The following KCTD1 variants were observed in gnomAD, a reference collection of about 807,000 sequenced individuals.
The protein encoded by KCTD1 is potassium channel tetramerization domain containing 1.
A neutral mutation model predicts 66.0 loss-of-function variants in KCTD1; 24 were observed. The observed-to-expected ratio is 0.36, with a 90% CI of 0.26 to 0.51. The LOEUF (loss-of-function observed/expected upper bound fraction) is 0.51, where lower values mean the gene tolerates loss of function less well. Among genes scored for constraint, KCTD1 ranks in the 20% least tolerant of loss-of-function variants. The probability of loss-of-function intolerance (pLI) is 0.95; values close to 1 mark genes in which losing one functional copy is unlikely to be tolerated. For synonymous variants in KCTD1, 511 were observed against 517.2 expected, an observed-to-expected ratio of 0.99 and a Z score of 0.16; for missense variants, 943 against 1,205.2, an observed-to-expected ratio of 0.78 and a Z score of 3.22.
At chr18:26,548,825 T>A, upstream of KCTD1, 3 of 1,045,198 alleles carry the variant, frequency 2.9e-6, no homozygotes, top group East Asian at 7.7e-5. Context: ...CTAAGAAAAC[T>A]TTGAAGGAAA....
At chr18:26,535,114 T>TGGGGGGGG (rs1984633313) in intron 1 of KCTD1, among the ~76,000 whole-genome samples, 50 of 110,646 alleles carry the variant, frequency 4.5e-4, no homozygotes, top group South Asian at 1.0e-3. Flanking sequence ...GGTTGGGGGG[T>TGGGGGGGG]GGGGGTGGAG....
Position 26,476,807 on chromosome 18 carries a change from C to T in KCTD1, c.1989-148G>A, listed in dbSNP as rs1014097120. 6 of 650,430 alleles carry T rather than the reference C, an allele frequency of 9.2e-6. No homozygotes were observed. Among genetic ancestry groups the T allele is most frequent in the African/African-American group, 5.6e-5 (3 of 53,374 alleles). The allele number at this position is 650,430 out of a possible 1,614,324, so 40.3% of individuals were successfully genotyped here. A position where few individuals can be genotyped will look rare whatever the true frequency, so the allele number is the denominator to read the frequency against. ...CGATTGTCTGCAAAGTGTTGGTCCCCGCTTGATAAATATCTCAGGACGAGA... is the reference window on the plus strand; with the variant it reads ...CGATTGTCTGCAAAGTGTTGGTCCCTGCTTGATAAATATCTCAGGACGAGA... On this transcript the variant is annotated intron_variant, in intron 2 of 4. Coordinates refer to ENST00000580059, the MANE Select transcript of KCTD1 (RefSeq NM_001142730.3). The surrounding 1 kb of genome is among the most constrained non-coding windows in gnomAD (Gnocchi z 4.9).
chr18:26,478,500 A>T (rs1435778025), intron 2 of KCTD1, among the ~76,000 whole-genome samples: 1 of 152,248 alleles, frequency 6.6e-6, no homozygotes, highest in African/African-American at 2.4e-5. Flanking sequence ...ATACCGAAAT[A>T]AGTCAGTATC....
chr18:26,534,045 C>A (rs1984574479), intron 1 of KCTD1, among the ~76,000 whole-genome samples: 1 of 152,030 alleles, frequency 6.6e-6, no homozygotes, highest in Non-Finnish European at 1.5e-5. Flanking sequence ...CATAAGTACA[C>A]TGCTTATAAT....
upstream of KCTD1, among the ~76,000 whole-genome samples, chr18:26,644,364 T>C (rs1259226372): frequency 6.6e-6 from 1 of 151,558 alleles, no homozygotes; most frequent in Non-Finnish European, 1.5e-5. Context: ...GATGAAAGAG[T>C]TAAGGGTGGC....
intron 1 of KCTD1, among the ~76,000 whole-genome samples, chr18:26,556,919 C>A (rs767540669): frequency 2.0e-5 from 3 of 152,258 alleles, no homozygotes; most frequent in Non-Finnish European, 2.9e-5. Flanking sequence ...ATGCCATTTA[C>A]CTTTTAAGTA....
Position 26,599,797 on chromosome 18 carries a change from C to T in KCTD1, c.-16+29350G>A, listed in dbSNP as rs911126322. ...TCTTGTGGAAGTGAAAGAGCTGCAG[C>T]GGGAGCCCCTAACCCCTGAGGAAAT... On this transcript the variant is annotated intron_variant, in intron 1 of 4. Coordinates refer to the KCTD1 transcript ENST00000317932. The T allele has an allele frequency of 8.1e-5, 127 of 1,564,580 alleles. 1 individual carries two copies. The Admixed American group carries it at 1.3e-3, about 16-fold the overall frequency.
intron 1 of KCTD1, chr18:26,566,661 C>A (rs1985987068): frequency 6.6e-6 from 1 of 152,068 alleles, no homozygotes; most frequent in South Asian, 2.1e-4. Flanking sequence ...CATGAACATT[C>A]TGCTGGAGCA....
chr18:26,605,204 G>T (rs1269515113), intron 1 of KCTD1, among the ~76,000 whole-genome samples: 2 of 152,232 alleles, frequency 1.3e-5, no homozygotes, highest in African/African-American at 2.4e-5. Flanking sequence ...AGCTGCAAGG[G>T]AAGCTGGGAG....
intron 1 of KCTD1, among the ~76,000 whole-genome samples, chr18:26,592,909 G>A (rs1986641399): frequency 6.6e-6 from 1 of 152,160 alleles, no homozygotes; most frequent in Non-Finnish European, 1.5e-5. Flanking sequence ...TTCTTTGTCT[G>A]TGACATAGTA....
Position 26,569,826 on chromosome 18 carries a change from C to T in KCTD1, c.-16+59321G>A, listed in dbSNP as rs562901674. On this transcript the variant is annotated intron_variant, in intron 1 of 4. Coordinates refer to the KCTD1 transcript ENST00000317932. Reference sequence around the variant, plus strand: ...ACACAGCTTATAAAGCTATTCACTCCCAAATAATTAGGAATAATACATTGT... The same window carrying T: ...ACACAGCTTATAAAGCTATTCACTCTCAAATAATTAGGAATAATACATTGT... Among the ~76,000 whole-genome samples the T allele has an allele frequency of 4.6e-5, 7 of 152,224 alleles. No individual in the cohort carries two copies. In the South Asian group the frequency reaches 1.5e-3, roughly 32 times the overall value.
chr18:26,603,751 AAAATAAATAAATAAAT>A (rs71266966), intron 1 of KCTD1, among the ~76,000 whole-genome samples: 34 of 146,862 alleles, frequency 2.3e-4, no homozygotes, highest in African/African-American at 4.5e-4. Context: ...TCAAAAAAAT[AAAATAAATAAATAAAT>A]AAATAAATAA....
chr18:26,652,611 G>A (rs1020246372), intron 1 of KCTD1, among the ~76,000 whole-genome samples: 1 of 152,124 alleles, frequency 6.6e-6, no homozygotes, highest in Admixed American at 6.5e-5. Context: ...GTCAGACTTG[G>A]ATAAATGGAA....
intron 2 of KCTD1, among the ~76,000 whole-genome samples, chr18:26,483,684 C>T (rs1489853915): frequency 6.6e-6 from 1 of 152,144 alleles, no homozygotes; most frequent in Non-Finnish European, 1.5e-5. Context: ...TGAAACCTAA[C>T]ATAGACAAAT....
chr18:26,645,661 G>A (rs957708810), intron 1 of KCTD1, among the ~76,000 whole-genome samples: 1 of 152,284 alleles, frequency 6.6e-6, no homozygotes, highest in East Asian at 1.9e-4. Context: ...GCCTCCTAAA[G>A]TGCTAGGTTT....
upstream of KCTD1, chr18:26,549,130 G>A (rs1318201502): frequency 1.1e-5 from 11 of 984,886 alleles, no homozygotes; most frequent in Admixed American, 6.2e-4. Context: ...TTAATGAGCA[G>A]GGTGGAGGAG....
chr18:26,548,155 T>C lies in KCTD1; in HGVS notation c.382A>G (p.Ser128Gly). Reference sequence around the variant, plus strand: ...GGCGCCTCGGGCTCCAGCGCGGCGCTCTGGTCCATATTGATCATATGGACC... The same window carrying C: ...GGCGCCTCGGGCTCCAGCGCGGCGCCCTGGTCCATATTGATCATATGGACC... ...EPVHMINMDQSAALEPEAPPR... is the reference protein window; with the variant it reads ...EPVHMINMDQGAALEPEAPPR... Residue 128 changes from serine (S) to glycine (G), a missense_variant, in exon 1 of 5, where the codon AGC (serine) becomes GGC (glycine). Ser to Gly is a moderately conservative substitution (Grantham distance 56, BLOSUM62 0). Transcript: ENST00000580059. The C allele has an allele frequency of 7.2e-7, 1 of 1,389,850 alleles. No homozygotes were observed. Among genetic ancestry groups the C allele is most frequent in the Non-Finnish European group, 9.3e-7 (1 of 1,074,732 alleles). 86.1% of individuals were successfully genotyped at this position (1,389,850 alleles called of 1,614,324 possible).
rs576195347 is a variant in KCTD1, at chr18:26,613,780, C to T, written c.-16+15367G>A. On this transcript the variant is annotated intron_variant, in intron 1 of 4. Coordinates refer to the KCTD1 transcript ENST00000317932. ...TTGACCAAACTGCTGACAGAATGTG[C>T]TGAAAACATAATTTCATACATTTAT... Among the ~76,000 whole-genome samples, 60 of 152,316 alleles carry T rather than the reference C, an allele frequency of 3.9e-4. 1 individual carries two copies. Among genetic ancestry groups the T allele is most frequent in the African/African-American group, 1.1e-3 (46 of 41,568 alleles).
chr18:26,553,658 C>T (rs1985629074), intron 1 of KCTD1, among the ~76,000 whole-genome samples: 1 of 152,164 alleles, frequency 6.6e-6, no homozygotes. Context: ...ATAATGATAA[C>T]AGTCCCTACC....
Sources: gnomAD v4.1 joint callset for allele counts (sites outside exome capture counted in the v4.1 genomes callset) on GRCh38, gnomAD v4.1.1 for gene constraint, Gnocchi (gnomAD v3.1) non-coding constraint, MANE v1.5 for transcripts, NCBI Gene and HGNC (gene_info 2026-07-23, HGNC 2026-07-21) for gene names.